Variants in APAF1 observed in about 807,000 individuals in gnomAD.
The protein encoded by APAF1 is apoptotic peptidase activating factor 1, also known as apoptotic protease-activating factor 1.
APAF1 carries 91 observed loss-of-function variants against 152.4 expected under a neutral mutation model. The ratio of observed to expected loss-of-function variants is 0.60; its 90% CI spans 0.50 to 0.71. The LOEUF (loss-of-function observed/expected upper bound fraction) is 0.71. Among genes scored for constraint, APAF1 ranks in the 30% least tolerant of loss-of-function variants. APAF1 has a pLI of 0.00. For missense variants in APAF1, 1,283 were observed against 1,472.0 expected (o/e 0.87, Z 2.10); for synonymous variants, 484 against 494.1 (o/e 0.98, Z 0.27).
chr12:98,691,032 C>A (rs1190728291), intron 16 of APAF1, among the ~76,000 whole-genome samples: 1 of 152,094 alleles, frequency 6.6e-6, no homozygotes. Context: ...CATGGTGAAA[C>A]CCCGTCTCTA....
At chr12:98,679,655 C>T (rs2097690293) in intron 13 of APAF1, among the ~76,000 whole-genome samples, 1 of 152,250 alleles carries the variant, frequency 6.6e-6, no homozygotes, top group Non-Finnish European at 1.5e-5. Context: ...AGGGCTGTGA[C>T]TCCCTCTTTG....
chr12:98,673,451 A>AC lies in APAF1; in HGVS notation c.1793+1732_1793+1733insC, dbSNP rs1041708237. The stretch of plus-strand genomic sequence containing the variant: ...GCTCTGTCTCAAAAAACAAAAAAAA[A>AC]AAAAACAAAAAAAAAACCTTGGGTC... On this transcript the variant is annotated intron_variant, in intron 12 of 26. Coordinates refer to ENST00000551964, the MANE Select transcript of APAF1 (RefSeq NM_181861.2). Among the ~76,000 whole-genome samples the AC allele has an allele frequency of 2.6e-5, 4 of 151,920 alleles. No homozygotes were observed. In the East Asian group the frequency reaches 7.7e-4, roughly 29 times the overall value.
intron 12 of APAF1, among the ~76,000 whole-genome samples, chr12:98,673,873 G>T (rs1191017159): frequency 1.3e-5 from 2 of 152,214 alleles, no homozygotes; most frequent in Non-Finnish European, 2.9e-5. Flanking sequence ...AGTAGAGATA[G>T]AACTGATAAG....
In APAF1 at chr12:98,725,511, G is replaced by A. The variant is rs1252321441; in HGVS notation, c.3427G>A (p.Ala1143Thr). The part of the protein sequence containing the change: ...SAFSVDSTLL[A>T]TGDDNGEIRI... ...CTTCTCTGTGGACAGTACCCTGCTG[G>A]CAACGGGAGATGACAATGGAGAAAT... Residue 1143 changes from alanine to threonine, a missense_variant, in exon 25 of 27, where the codon GCA becomes ACA. Physicochemically the swap from Ala to Thr is moderately conservative, Grantham distance 58 (BLOSUM62 0). Transcript: ENST00000551964. 6.2e-7 allele frequency: 1 copy of A among 1,614,152 alleles called. No individual in the cohort carries two copies. Among genetic ancestry groups the A allele is most frequent in the East Asian group, 2.2e-5 (1 of 44,882 alleles).
intron 16 of APAF1, among the ~76,000 whole-genome samples, chr12:98,692,397 T>TA (rs963031294): frequency 3.1e-4 from 47 of 150,018 alleles, no homozygotes; most frequent in African/African-American, 8.1e-4. Flanking sequence ...TTTCATGATT[T>TA]AAAAAAAAAA....
chr12:98,712,539 A>G lies in APAF1; in HGVS notation c.2958+104A>G. The G allele has an allele frequency of 1.1e-5, 8 of 758,086 alleles. No homozygotes were observed. In the Admixed American group the frequency reaches 1.6e-4, roughly 15 times the overall value. The allele number at this position is 758,086 out of a possible 1,614,324, so 47.0% of individuals were successfully genotyped here. ...ATTTTTATTTATTTTTATTTTTGAAATGGGGTCTTGCTGTGTCACCCACGC... is the reference window on the plus strand; with the variant it reads ...ATTTTTATTTATTTTTATTTTTGAAGTGGGGTCTTGCTGTGTCACCCACGC... On this transcript the variant is annotated intron_variant, in intron 21 of 26. Coordinates refer to ENST00000551964, the MANE Select transcript of APAF1 (RefSeq NM_181861.2).
chr12:98,679,420 G>A (rs1392859262), intron 13 of APAF1, among the ~76,000 whole-genome samples: 4 of 152,260 alleles, frequency 2.6e-5, no homozygotes, highest in East Asian at 1.9e-4. Context: ...CTATTTTATC[G>A]CTCAATAAAG....
At chr12:98,702,785 A>G (rs1231241575) in intron 17 of APAF1, among the ~76,000 whole-genome samples, 1 of 151,854 alleles carries the variant, frequency 6.6e-6, no homozygotes, top group African/African-American at 2.4e-5. Context: ...AGATCGCCCC[A>G]AGCTGAGATT....
intron 4 of APAF1, among the ~76,000 whole-genome samples, chr12:98,657,751 C>T (rs531796491): frequency 6.6e-6 from 1 of 152,306 alleles, no homozygotes; most frequent in Non-Finnish European, 1.5e-5. Context: ...AAGTTTGAAT[C>T]TCAACTCTGC....
chr12:98,698,095 G>C (rs1338704919), intron 16 of APAF1, among the ~76,000 whole-genome samples: 1 of 152,154 alleles, frequency 6.6e-6, no homozygotes, highest in East Asian at 1.9e-4. Context: ...CTGAAGTCAG[G>C]TCCAGAAACA....
chr12:98,669,059 GTTTT>G (rs1269767168), intron 10 of APAF1, among the ~76,000 whole-genome samples: 1 of 151,994 alleles, frequency 6.6e-6, no homozygotes, highest in Non-Finnish European at 1.5e-5. Context: ...GTTGTAGTTT[GTTTT>G]TTTATCTAGC....
chr12:98,716,111 C>T (rs553946303), intron 22 of APAF1, among the ~76,000 whole-genome samples: 1 of 152,174 alleles, frequency 6.6e-6, no homozygotes, highest in East Asian at 1.9e-4. Context: ...AAAACAGACC[C>T]TTTCCCCCAT....
At position 98,666,170 on chromosome 12, in the gene APAF1, ATACT is replaced by A. The variant is rs776369613; in HGVS notation, c.1195-16_1195-13del. On this transcript the variant is annotated splice_polypyrimidine_tract_variant and intron_variant, in intron 8 of 26. Transcript: ENST00000551964. ...TCATTGTACTTTTGTGGCATATTAA[ATACT>A]TACAACAATTCCTAGGTGTTATGTA... 6.2e-7 allele frequency: 1 copy of A among 1,611,930 alleles called. No individual in the cohort carries two copies. Among genetic ancestry groups the A allele is most frequent in the Non-Finnish European group, 8.5e-7 (1 of 1,178,156 alleles).
At chr12:98,705,485 C>T (rs1045581595) in intron 18 of APAF1, among the ~76,000 whole-genome samples, 7 of 152,148 alleles carry the variant, frequency 4.6e-5, no homozygotes, top group Admixed American at 3.3e-4. Flanking sequence ...AGTTCATAAC[C>T]ACAGAACTCA....
intron 16 of APAF1, among the ~76,000 whole-genome samples, chr12:98,693,053 T>C (rs574812028): frequency 6.6e-6 from 1 of 151,126 alleles, no homozygotes; most frequent in East Asian, 2.0e-4. Context: ...CTGGCATCTT[T>C]TATTTTTTGA....
At chr12:98,710,768 G>T (rs2097727119) in intron 20 of APAF1, among the ~76,000 whole-genome samples, 1 of 152,222 alleles carries the variant, frequency 6.6e-6, no homozygotes, top group Non-Finnish European at 1.5e-5. Context: ...GCTTGGTGTA[G>T]TGGAGAGAAT....
intron 11 of APAF1, 68 bp from the exon 12 acceptor site, chr12:98,671,467 C>A: frequency 6.7e-7 from 1 of 1,483,180 alleles, no homozygotes; most frequent in Non-Finnish European, 9.4e-7. Flanking sequence ...GTGGCAAGAT[C>A]ACAGAAATGG....
At chr12:98,655,455 G>A (rs1471577622) in intron 4 of APAF1, among the ~76,000 whole-genome samples, 1 of 150,674 alleles carries the variant, frequency 6.6e-6, no homozygotes, top group African/African-American at 2.4e-5. Context: ...GGCCGGGCAG[G>A]GGGCTGACCC....
At position 98,733,746 on chromosome 12, in the gene APAF1, T is replaced by C. The variant is rs1317425620; in HGVS notation, c.*1180T>C. On this transcript the variant is annotated 3_prime_UTR_variant, in exon 27 of 27. Coordinates refer to ENST00000551964, the MANE Select transcript of APAF1 (RefSeq NM_181861.2). ...ACTGGCCTGGCCTTCAGCAGTTCTTTTTGTGAAGTAAAACTTGTATGTTGG... is the reference window on the plus strand; with the variant it reads ...ACTGGCCTGGCCTTCAGCAGTTCTTCTTGTGAAGTAAAACTTGTATGTTGG... 6.6e-6 allele frequency: 1 copy of C among 152,274 alleles called. No individual in the cohort carries two copies. Among genetic ancestry groups the C allele is most frequent in the East Asian group, 1.9e-4 (1 of 5,200 alleles). 9.4% of individuals were successfully genotyped at this position (152,274 alleles called of 1,614,324 possible).
Sources: gnomAD v4.1 joint callset for allele counts (sites outside exome capture counted in the v4.1 genomes callset) on GRCh38, gnomAD v4.1.1 for gene constraint, MANE v1.5 for transcripts, NCBI Gene and HGNC (gene_info 2026-07-23, HGNC 2026-07-21) for gene names.